Variants in TEKT1 observed in about 807,000 individuals in gnomAD.
TEKT1 encodes the protein tektin-1.
A neutral mutation model predicts 34.8 loss-of-function variants in TEKT1; 32 were observed. The observed-to-expected ratio is 0.92, with a 90% CI of 0.69 to 1.23. The LOEUF (loss-of-function observed/expected upper bound fraction) is 1.23. TEKT1 is among the 50% of genes most tolerant of loss of function. TEKT1 has a pLI of 0.00. For synonymous variants in TEKT1, 207 were observed against 199.8 expected (o/e 1.04, Z -0.30); for missense variants, 492 against 518.5 (o/e 0.95, Z 0.50).
In TEKT1 at chr17:6,815,905, C is replaced by T; in HGVS notation, c.414G>A (p.Lys138=). Residue 138 remains lysine, a synonymous_variant, in exon 4 of 8, where the codon AAG becomes AAA. Transcript: ENST00000338694. ...VHDTVEHELI[K]EAEIIQGIMA... ...TAATGCCCTGGATGATCTCAGCCTC[C>T]TTTATCAGCTCATGCTCCACTGTGT... 3 of 1,614,172 alleles carry T rather than the reference C, an allele frequency of 1.9e-6. No individual in the cohort carries two copies. The highest frequency in any genetic ancestry group is 2.5e-6 in the Non-Finnish European group (3 of 1,180,028).
At chr17:6,812,466 C>T (rs1473172687) in intron 6 of TEKT1, among the ~76,000 whole-genome samples, 1 of 152,176 alleles carries the variant, frequency 6.6e-6, no homozygotes, top group African/African-American at 2.4e-5. Context: ...CACGTGAGAG[C>T]ATGTAGTCCA....
At chr17:6,823,063 G>A (rs976633498) in intron 2 of TEKT1, among the ~76,000 whole-genome samples, 1 of 152,188 alleles carries the variant, frequency 6.6e-6, no homozygotes. Context: ...AGTGTCTTAG[G>A]AAACAGCTGG....
intron 7 of TEKT1, 83 bp downstream of exon 7, chr17:6,800,664 T>G (rs1976757169): frequency 6.7e-7 from 1 of 1,481,794 alleles, no homozygotes; most frequent in African/African-American, 1.4e-5. Flanking sequence ...TCATTCACGC[T>G]GCTGGTCACT....
Position 6,812,825 on chromosome 17 carries a change from C to T in TEKT1, c.852+6G>A. 6.2e-7 allele frequency: 1 copy of T among 1,612,760 alleles called. No homozygotes were observed. The highest frequency in any genetic ancestry group is 1.1e-5 in the South Asian group (1 of 91,016). ...TCTTCTTCCATGCTCCCTCAAGGGA[C>T]CTCACCTTGGCCAGATGATCAGCCA... On this transcript the variant is annotated splice_donor_region_variant and intron_variant, in intron 6 of 7. Transcript: ENST00000338694.
intron 5 of TEKT1, among the ~76,000 whole-genome samples, chr17:6,814,763 G>A (rs1211220151): frequency 8.6e-5 from 13 of 151,834 alleles, no homozygotes; most frequent in Admixed American, 7.9e-4. Flanking sequence ...GCGTGAACCC[G>A]GGAGACGGAG....
intron 2 of TEKT1, among the ~76,000 whole-genome samples, chr17:6,823,808 C>A (rs1387204026): frequency 6.9e-6 from 1 of 144,912 alleles, no homozygotes; most frequent in Admixed American, 7.1e-5. Flanking sequence ...GCCTGTGAAA[C>A]CTCATCCTTT....
intron 6 of TEKT1, among the ~76,000 whole-genome samples, chr17:6,803,990 A>T (rs1200140664): frequency 2.0e-5 from 3 of 151,920 alleles, no homozygotes; most frequent in Non-Finnish European, 2.9e-5. Context: ...TTTCCAATTC[A>T]GTGAAGAAAG....
chr17:6,815,130 C>T, intron 5 of TEKT1, 33 bp downstream of exon 5: 1 of 1,584,252 alleles, frequency 6.3e-7, no homozygotes, highest in Non-Finnish European at 8.6e-7. Flanking sequence ...CACTGGGTCA[C>T]CCGCGAGGAG....
chr17:6,818,275 A>G (rs1011299118), intron 3 of TEKT1, among the ~76,000 whole-genome samples: 1 of 152,072 alleles, frequency 6.6e-6, no homozygotes, highest in Non-Finnish European at 1.5e-5. Flanking sequence ...GGAAAAGTTC[A>G]CTCAACAGCC....
chr17:6,815,548 C>T (rs1976993733), intron 4 of TEKT1, among the ~76,000 whole-genome samples: 1 of 152,158 alleles, frequency 6.6e-6, no homozygotes, highest in Non-Finnish European at 1.5e-5. Flanking sequence ...GTCACCATTG[C>T]AGCCTACTAT....
intron 6 of TEKT1, among the ~76,000 whole-genome samples, chr17:6,810,243 G>A (rs776991253): frequency 2.6e-5 from 4 of 152,126 alleles, no homozygotes; most frequent in African/African-American, 2.4e-5. Flanking sequence ...GCATCTTTTC[G>A]TATGCTTACT....
chr17:6,808,312 G>A (rs549646537), intron 6 of TEKT1, among the ~76,000 whole-genome samples: 9 of 152,220 alleles, frequency 5.9e-5, no homozygotes, highest in African/African-American at 2.2e-4. Context: ...TAAGACCGTT[G>A]GGAAAGCGCA....
chr17:6,828,529 C>T (rs554041747), intron 2 of TEKT1, among the ~76,000 whole-genome samples: 3 of 152,264 alleles, frequency 2.0e-5, no homozygotes, highest in South Asian at 4.1e-4. Flanking sequence ...TTGAAAAAAT[C>T]GGACAATCAG....
Position 6,811,683 on chromosome 17 carries a change from C to T in TEKT1, c.852+1148G>A, listed in dbSNP as rs1976929745. On this transcript the variant is annotated intron_variant, in intron 6 of 7. Coordinates refer to ENST00000338694, the MANE Select transcript of TEKT1 (RefSeq NM_053285.2). This position sits in a 1 kb window ranked among gnomAD's most constrained non-coding sequence, Gnocchi z 4.4. Reference sequence around the variant, plus strand: ...GGAGGGAGTGTTCAGGATGTGGCAACAGGACAGGGATTCAGGGGCTGAGAA... The same window carrying T: ...GGAGGGAGTGTTCAGGATGTGGCAATAGGACAGGGATTCAGGGGCTGAGAA... Among the ~76,000 whole-genome samples the T allele has an allele frequency of 6.6e-6, 1 of 152,140 alleles. No homozygotes were observed. Among genetic ancestry groups the T allele is most frequent in the African/African-American group, 2.4e-5 (1 of 41,432 alleles).
rs151029341 is a variant in TEKT1 at position 6,812,302 on chromosome 17, G to A, written c.852+529C>T. 9.9e-5 allele frequency among the ~76,000 whole-genome samples: 15 copies of A among 152,130 alleles called. 1 individual carries two copies. The East Asian group carries it at 2.7e-3, about 27-fold the overall frequency. ...TACCCAGTCTTGGGTAGCTCTTTACGGTGGTGTGAAAGTGACTAAAACACC... is the reference window on the plus strand; with the variant it reads ...TACCCAGTCTTGGGTAGCTCTTTACAGTGGTGTGAAAGTGACTAAAACACC... On this transcript the variant is annotated intron_variant, in intron 6 of 7. Coordinates refer to ENST00000338694, the MANE Select transcript of TEKT1 (RefSeq NM_053285.2).
chr17:6,821,351 G>A (rs917260678), intron 2 of TEKT1, among the ~76,000 whole-genome samples: 3 of 151,988 alleles, frequency 2.0e-5, no homozygotes, highest in African/African-American at 7.3e-5. Flanking sequence ...GTTTTATAAG[G>A]GTCTCTTCCC....
intron 3 of TEKT1, among the ~76,000 whole-genome samples, chr17:6,818,217 G>A (rs994431159): frequency 6.6e-6 from 1 of 152,118 alleles, no homozygotes; most frequent in Admixed American, 6.5e-5. Flanking sequence ...AAGCCATTGG[G>A]GTTTGAAGGA....
chr17:6,805,740 G>A (rs1976834878), intron 6 of TEKT1, among the ~76,000 whole-genome samples: 1 of 152,192 alleles, frequency 6.6e-6, no homozygotes, highest in South Asian at 2.1e-4. Context: ...TAGTCATTCA[G>A]GAGCAGGTTG....
chr17:6,819,426 C>T (rs1035906941), intron 2 of TEKT1, 68 bp from the exon 3 acceptor site: 12 of 1,494,656 alleles, frequency 8.0e-6, no homozygotes, highest in Non-Finnish European at 9.8e-6. Context: ...GAATTAGAAA[C>T]TTGAAGACTG....
Sources: allele counts gnomAD v4.1 joint callset (sites outside exome capture counted in the v4.1 genomes callset), GRCh38; gene constraint gnomAD v4.1.1; non-coding constraint Gnocchi (gnomAD v3.1); transcripts MANE v1.5; gene names NCBI Gene and HGNC (gene_info 2026-07-23, HGNC 2026-07-21).